Variants in CSMD3 observed in about 807,000 individuals in gnomAD.
The protein encoded by CSMD3 is CUB and sushi domain-containing protein 3.
A neutral mutation model predicts 435.2 loss-of-function variants in CSMD3; 177 were observed. The observed-to-expected ratio is 0.41, with a 90% CI of 0.36 to 0.46. CSMD3 has a LOEUF of 0.46. Among genes scored for constraint, CSMD3 ranks in the 20% least tolerant of loss-of-function variants. The pLI is 0.34. For missense variants in CSMD3, 4,265 were observed against 4,504.6 expected, an observed-to-expected ratio of 0.95 and a Z score of 1.52; for synonymous variants, 1,656 against 1,520.5, an observed-to-expected ratio of 1.09 and a Z score of -2.07.
chr8:112,612,938 G>T (rs373004173), intron 22 of CSMD3, among the ~76,000 whole-genome samples: 2 of 151,628 alleles, frequency 1.3e-5, no homozygotes, highest in African/African-American at 2.4e-5. Flanking sequence ...GTGCAGCGGG[G>T]AGGGGGATGG....
intron 27 of CSMD3, among the ~76,000 whole-genome samples, chr8:112,533,863 G>T (rs2131088666): frequency 6.6e-6 from 1 of 152,084 alleles, no homozygotes; most frequent in African/African-American, 2.4e-5. Context: ...ATAGAGCATA[G>T]GTTATGCCAC....
At chr8:112,992,016 A>G (rs1258499980) in intron 6 of CSMD3, among the ~76,000 whole-genome samples, 2 of 151,844 alleles carry the variant, frequency 1.3e-5, no homozygotes, top group Admixed American at 1.3e-4. Flanking sequence ...AATTTTGATT[A>G]AGCATTTTTG....
At chr8:113,385,923 A>G (rs1451342820) in intron 1 of CSMD3, among the ~76,000 whole-genome samples, 1 of 152,068 alleles carries the variant, frequency 6.6e-6, no homozygotes, top group Admixed American at 6.6e-5. Context: ...TCATTTTTAT[A>G]TGAAAATTAT....
intron 1 of CSMD3, among the ~76,000 whole-genome samples, chr8:113,315,852 G>C (rs1162793586): frequency 6.6e-6 from 1 of 151,668 alleles, no homozygotes; most frequent in Admixed American, 6.6e-5. Flanking sequence ...CCAAGTAGCT[G>C]GAATTACAGA....
chr8:112,772,111 T>G (rs962099087), intron 13 of CSMD3, among the ~76,000 whole-genome samples: 5 of 151,260 alleles, frequency 3.3e-5, no homozygotes, highest in African/African-American at 1.2e-4. Context: ...TAAAGATAAA[T>G]TATAAGGGGC....
intron 65 of CSMD3, among the ~76,000 whole-genome samples, chr8:112,243,767 C>T (rs1814403855): frequency 1.3e-5 from 2 of 152,062 alleles, no homozygotes; most frequent in Admixed American, 6.6e-5. Context: ...GAAAGAAGGT[C>T]TTTGCAAATG....
intron 3 of CSMD3, among the ~76,000 whole-genome samples, chr8:113,230,261 A>G (rs746626616): frequency 6.6e-6 from 1 of 151,704 alleles, no homozygotes; most frequent in Middle Eastern, 3.2e-3. Flanking sequence ...TGTTGATTTA[A>G]TTAGAATAAG....
intron 32 of CSMD3, among the ~76,000 whole-genome samples, chr8:112,465,202 C>A (rs917179093): frequency 6.6e-6 from 1 of 152,074 alleles, no homozygotes; most frequent in African/African-American, 2.4e-5. Flanking sequence ...AAAATTAATG[C>A]CCCCTCGTGG....
intron 22 of CSMD3, among the ~76,000 whole-genome samples, chr8:112,603,565 G>C (rs1221932577): frequency 2.0e-5 from 3 of 152,132 alleles, no homozygotes; most frequent in African/African-American, 7.2e-5. Context: ...ATTGTGCCAT[G>C]TATGGTCTGT....
intron 5 of CSMD3, among the ~76,000 whole-genome samples, chr8:113,085,404 T>A (rs1324698391): frequency 6.6e-6 from 1 of 152,146 alleles, no homozygotes; most frequent in Non-Finnish European, 1.5e-5. Context: ...AACTACCATA[T>A]GATCCAGCAA....
intron 2 of CSMD3, among the ~76,000 whole-genome samples, chr8:113,299,689 G>T (rs1054914665): frequency 1.3e-5 from 2 of 151,668 alleles, no homozygotes; most frequent in South Asian, 2.1e-4. Flanking sequence ...AGTCAGAATT[G>T]CCATTTTTAA....
At chr8:113,305,741 G>A (rs1434225967) in intron 2 of CSMD3, among the ~76,000 whole-genome samples, 1 of 152,166 alleles carries the variant, frequency 6.6e-6, no homozygotes, top group African/African-American at 2.4e-5. Context: ...ATCTGTCCTT[G>A]AGATCTATGC....
intron 32 of CSMD3, among the ~76,000 whole-genome samples, chr8:112,424,605 G>C (rs1812859919): frequency 1.3e-5 from 2 of 152,150 alleles, no homozygotes; most frequent in Non-Finnish European, 2.9e-5. Flanking sequence ...CCCTAACTAT[G>C]TCATAGCTTG....
rs1004878692 is a variant in CSMD3, at chr8:112,295,708, A to G, written c.8614+125T>C. ...CTTTTGCATAGCAGTATCAAATTGG[A>G]TTGTGGAAATTTACTTTATATTGAT... On this transcript the variant is annotated intron_variant, in intron 54 of 70. Coordinates refer to ENST00000297405, the MANE Select transcript of CSMD3 (RefSeq NM_198123.2). 1.5e-5 allele frequency: 12 copies of G among 798,576 alleles called. No homozygotes were observed. The African/African-American group carries it at 2.1e-4, about 14-fold the overall frequency. The allele number at this position is 798,576 out of a possible 1,614,324, so 49.5% of individuals were successfully genotyped here. A position where few individuals can be genotyped will look rare whatever the true frequency, so the allele number is the denominator to read the frequency against.
chr8:112,494,458 TCTC>T (rs1303057036), intron 30 of CSMD3, among the ~76,000 whole-genome samples: 3 of 142,066 alleles, frequency 2.1e-5, no homozygotes, highest in African/African-American at 7.3e-5. Context: ...TGTTTCTTTC[TCTC>T]CTTTCTCTTT....
At chr8:113,184,498 T>A (rs988033230) in intron 3 of CSMD3, among the ~76,000 whole-genome samples, 1 of 152,008 alleles carries the variant, frequency 6.6e-6, no homozygotes, top group African/African-American at 2.4e-5. Flanking sequence ...TTGGAGTTTC[T>A]AAGGATTTTA....
At chr8:112,419,250 C>A (rs1812226637) in intron 32 of CSMD3, among the ~76,000 whole-genome samples, 1 of 152,100 alleles carries the variant, frequency 6.6e-6, no homozygotes. Flanking sequence ...TTAAAATCTC[C>A]ATGCAGAAGC....
intron 52 of CSMD3, among the ~76,000 whole-genome samples, chr8:112,302,908 T>C (rs1474726646): frequency 6.6e-6 from 1 of 151,356 alleles, no homozygotes; most frequent in Non-Finnish European, 1.5e-5. Context: ...TAAAAGATGA[T>C]TAAATGGAGG....
chr8:112,352,302 C>A, intron 39 of CSMD3, 114 bp downstream of exon 39: 1 of 1,527,780 alleles, frequency 6.5e-7, no homozygotes. Flanking sequence ...CCCTTTTGAC[C>A]TCAGACACAA....
Sources: gnomAD v4.1 joint callset for allele counts (sites outside exome capture counted in the v4.1 genomes callset) on GRCh38, gnomAD v4.1.1 for gene constraint, MANE v1.5 for transcripts, NCBI Gene and HGNC (gene_info 2026-07-23, HGNC 2026-07-21) for gene names.